Variants in TERB2 observed in about 807,000 individuals in gnomAD.
TERB2 encodes the protein telomere repeat binding bouquet formation protein 2.
In TERB2, 26 loss-of-function variants were observed where a neutral mutation model predicts 29.8. The ratio of observed to expected loss-of-function variants is 0.87; its 90% CI spans 0.64 to 1.21. The LOEUF (loss-of-function observed/expected upper bound fraction) is 1.21. Among genes scored for constraint, TERB2 ranks in the 50% most tolerant of loss-of-function variants. TERB2 has a pLI of 0.00. For missense variants in TERB2, 240 were observed against 268.6 expected, an observed-to-expected ratio of 0.89 and a Z score of 0.74; for synonymous variants, 80 against 90.8, an observed-to-expected ratio of 0.88 and a Z score of 0.68.
At chr15:44,965,548 T>C in intron 4 of TERB2, among the ~76,000 whole-genome samples, 1 of 144,506 alleles carries the variant, frequency 6.9e-6, no homozygotes, top group East Asian at 2.0e-4. Context: ...ATTTATATAT[T>C]ATATATTTAT....
rs1225036484 is a variant in TERB2, at chr15:44,958,389, G to C, written c.163G>C (p.Asp55His). 1.2e-6 allele frequency: 2 copies of C among 1,612,156 alleles called. No individual in the cohort carries two copies. The highest frequency in any genetic ancestry group is 1.7e-6 in the Non-Finnish European group (2 of 1,179,614). Reference protein sequence around the residue: ...PDTLRIYQSLDYIEDNATVFH... With the variant: ...PDTLRIYQSLHYIEDNATVFH... Reference sequence around the variant, plus strand: ...TTCTCCTAGAATATATCAGAGCCTTGATTACATAGAAGATAATGCTACAGT... The same window carrying C: ...TTCTCCTAGAATATATCAGAGCCTTCATTACATAGAAGATAATGCTACAGT... Residue 55 changes from aspartate (D) to histidine (H), a missense_variant, in exon 3 of 7, where the codon GAT becomes CAT. Asp to His is a moderately conservative substitution (Grantham distance 81). Coordinates refer to ENST00000340827, the MANE Select transcript of TERB2 (RefSeq NM_152448.3).
intron 4 of TERB2, among the ~76,000 whole-genome samples, chr15:44,965,427 C>A (rs1485064557): frequency 3.0e-5 from 4 of 133,926 alleles, no homozygotes; most frequent in South Asian, 2.3e-4. Flanking sequence ...ATATTTTATA[C>A]CTTTATAAAT....
chr15:44,972,234 A>AGG (rs1891982567), intron 5 of TERB2, among the ~76,000 whole-genome samples: 1 of 151,204 alleles, frequency 6.6e-6, no homozygotes, highest in Non-Finnish European at 1.5e-5. Flanking sequence ...CAGGTGATCC[A>AGG]CCCGCCTCGG....
chr15:44,978,736 T>C lies in TERB2; in HGVS notation c.*108T>C. On this transcript the variant is annotated 3_prime_UTR_variant, in exon 7 of 7. Transcript: ENST00000340827. ...TACTGGGGGATAGTGAAATGGGAAATAATTTTTCTGTTTCTCAAAGTATAT... is the reference window on the plus strand; with the variant it reads ...TACTGGGGGATAGTGAAATGGGAAACAATTTTTCTGTTTCTCAAAGTATAT... 7.8e-7 allele frequency: 1 copy of C among 1,275,542 alleles called. No individual in the cohort carries two copies. Among genetic ancestry groups the C allele is most frequent in the South Asian group, 2.7e-5 (1 of 37,424 alleles). 79.0% of individuals were successfully genotyped at this position (1,275,542 alleles called of 1,614,324 possible).
chr15:44,958,259 T>C, intron 2 of TERB2, 114 bp from the exon 3 acceptor site: 7 of 1,281,900 alleles, frequency 5.5e-6, no homozygotes, highest in African/African-American at 1.5e-5. Flanking sequence ...ACAGCATACA[T>C]GTATGCTTCA....
chr15:44,958,303 T>A lies in TERB2; in HGVS notation c.147-70T>A, dbSNP rs942569286. The A allele has an allele frequency of 8.1e-6, 12 of 1,490,200 alleles. No individual in the cohort carries two copies. The African/African-American group carries it at 1.5e-4, about 19-fold the overall frequency. The allele number at this position is 1,490,200 out of a possible 1,614,324, so 92.3% of individuals were successfully genotyped here. A position where few individuals can be genotyped will look rare whatever the true frequency, so the allele number is the denominator to read the frequency against. ...GTCTCCCTACTTCCAGTGATTTATT[T>A]ATTCTTTTGAAAGGTTAAATACATT... is the stretch of plus-strand genomic sequence containing the variant. On this transcript the variant is annotated intron_variant, in intron 2 of 6. Transcript: ENST00000340827.
chr15:44,977,846 C>T (rs1336259747), intron 6 of TERB2, among the ~76,000 whole-genome samples: 1 of 152,006 alleles, frequency 6.6e-6, no homozygotes, highest in African/African-American at 2.4e-5. Context: ...AAAATGTAAT[C>T]ATTTAAATAG....
At chr15:44,969,353 C>G (rs1468442939) in intron 5 of TERB2, among the ~76,000 whole-genome samples, 1 of 152,078 alleles carries the variant, frequency 6.6e-6, no homozygotes, top group Non-Finnish European at 1.5e-5. Flanking sequence ...AGCAATCCAC[C>G]CTCCTAGGCC....
chr15:44,964,052 G>A (rs1843584529), intron 4 of TERB2, among the ~76,000 whole-genome samples: 1 of 152,046 alleles, frequency 6.6e-6, no homozygotes, highest in East Asian at 1.9e-4. Context: ...CTCGTGATCC[G>A]CCTGCCTTGG....
intron 4 of TERB2, chr15:44,962,717 C>T (rs551635085): frequency 9.2e-5 from 14 of 152,260 alleles, no homozygotes; most frequent in South Asian, 4.1e-4. Flanking sequence ...GATTTACTTA[C>T]GCTTTTGACT....
intron 5 of TERB2, among the ~76,000 whole-genome samples, chr15:44,968,521 C>T (rs1288325412): frequency 2.0e-5 from 3 of 150,820 alleles, no homozygotes; most frequent in Admixed American, 6.6e-5. Context: ...CGTGCCTGGC[C>T]GAAAAATCTT....
At chr15:44,960,049 T>G (rs112060765) in intron 3 of TERB2, among the ~76,000 whole-genome samples, 2,526 of 152,304 alleles carry the variant, frequency 0.017, 22 homozygotes, top group Middle Eastern at 0.031. Context: ...TAAAAACTAC[T>G]TGTGCCAATC....
chr15:44,966,082 TCC>T, intron 4 of TERB2, 74 bp from the exon 5 acceptor site: 1 of 745,828 alleles, frequency 1.3e-6, no homozygotes, highest in African/African-American at 1.8e-5. Context: ...AGTTTATTTT[TCC>T]TTTTTAAAAA....
At position 44,960,426 on chromosome 15, in the gene TERB2, C is replaced by T. The variant is rs528882687; in HGVS notation, c.287-1097C>T. On this transcript the variant is annotated intron_variant, in intron 3 of 6. Coordinates refer to ENST00000340827, the MANE Select transcript of TERB2 (RefSeq NM_152448.3). Reference sequence around the variant, plus strand: ...GGCTGAGATGGGAGGATCCCTTGAACCCAGGAATTTGAGGCTGCAGTGCAC... The same window carrying T: ...GGCTGAGATGGGAGGATCCCTTGAATCCAGGAATTTGAGGCTGCAGTGCAC... Among the ~76,000 whole-genome samples, 330 of 152,178 alleles carry T rather than the reference C, an allele frequency of 2.2e-3. 1 individual carries two copies. The highest frequency in any genetic ancestry group is 3.7e-3 in the Admixed American group (56 of 15,280).
intron 5 of TERB2, among the ~76,000 whole-genome samples, chr15:44,967,214 T>C (rs774647007): frequency 1.2e-4 from 18 of 152,374 alleles, no homozygotes; most frequent in South Asian, 2.1e-4. Context: ...TAGTCCTAGC[T>C]TCATATTTTC....
At chr15:44,978,143 C>T (rs1892072165) in intron 6 of TERB2, among the ~76,000 whole-genome samples, 1 of 152,178 alleles carries the variant, frequency 6.6e-6, no homozygotes, top group Non-Finnish European at 1.5e-5. Flanking sequence ...ATGGATAGTT[C>T]TAAGTGATTA....
chr15:44,978,749 T>A lies in TERB2; in HGVS notation c.*121T>A. 1 of 1,233,378 alleles carries A rather than the reference T, an allele frequency of 8.1e-7. No individual in the cohort carries two copies. Among genetic ancestry groups the A allele is most frequent in the Non-Finnish European group, 1.1e-6 (1 of 951,002 alleles). 76.4% of individuals were successfully genotyped at this position (1,233,378 alleles called of 1,614,324 possible). Reference sequence around the variant, plus strand: ...TGAAATGGGAAATAATTTTTCTGTTTCTCAAAGTATATCTTTAGGAAATAC... The same window carrying A: ...TGAAATGGGAAATAATTTTTCTGTTACTCAAAGTATATCTTTAGGAAATAC... On this transcript the variant is annotated 3_prime_UTR_variant, in exon 7 of 7. Transcript: ENST00000340827.
chr15:44,967,376 T>C (rs1456851765), intron 5 of TERB2, among the ~76,000 whole-genome samples: 4 of 152,332 alleles, frequency 2.6e-5, no homozygotes, highest in Admixed American at 2.6e-4. Context: ...CTGGGGCCAG[T>C]TGGGATTCTA....
chr15:44,978,308 G>T (rs1892073769), intron 6 of TERB2, among the ~76,000 whole-genome samples, 181 bp from the exon 7 acceptor site: 1 of 152,052 alleles, frequency 6.6e-6, no homozygotes, highest in African/African-American at 2.4e-5. Context: ...GGGAAGAGGA[G>T]GTGTTCCCGG....
Sources: allele counts gnomAD v4.1 joint callset (sites outside exome capture counted in the v4.1 genomes callset), GRCh38; gene constraint gnomAD v4.1.1; transcripts MANE v1.5; gene names NCBI Gene and HGNC (gene_info 2026-07-23, HGNC 2026-07-21).